The following PPARD variants were observed in gnomAD, a reference collection of about 807,000 sequenced individuals.
PPARD encodes the protein peroxisome proliferator activated receptor delta.
PPARD carries 6 observed loss-of-function variants against 39.5 expected under a neutral mutation model. The observed-to-expected ratio is 0.15, with a 90% CI of 0.08 to 0.30. The LOEUF is 0.30. Ranked by LOEUF, PPARD falls within the 10% of genes least tolerant of loss-of-function variation. PPARD has a pLI of 1.00. For synonymous variants in PPARD, 210 were observed against 231.3 expected, an observed-to-expected ratio of 0.91 and a Z score of 0.83; for missense variants, 397 against 596.8, an observed-to-expected ratio of 0.67 and a Z score of 3.49.
chr6:35,397,088 T>C (rs1422715618), intron 2 of PPARD, among the ~76,000 whole-genome samples: 1 of 152,122 alleles, frequency 6.6e-6, no homozygotes, highest in Non-Finnish European at 1.5e-5. Flanking sequence ...GCACAGCCTG[T>C]CCTGTGAGTA....
At chr6:35,349,072 C>T in intron 2 of PPARD, 1 of 961,632 alleles carries the variant, frequency 1.0e-6, no homozygotes, top group Non-Finnish European at 1.2e-6. Context: ...GTCACCCAGG[C>T]TGGAGTGCAG....
intron 5 of PPARD, among the ~76,000 whole-genome samples, chr6:35,422,540 C>T (rs1227104351): frequency 6.6e-6 from 1 of 152,170 alleles, no homozygotes; most frequent in East Asian, 1.9e-4. Flanking sequence ...GCCCACCTGT[C>T]CCCTCAGTAC....
In PPARD at chr6:35,347,090, C is replaced by T. The variant is rs1007483854; in HGVS notation, c.-162C>T. On this transcript the variant is annotated 5_prime_UTR_variant, in exon 2 of 8. Coordinates refer to ENST00000360694, the MANE Select transcript of PPARD (RefSeq NM_006238.5). The stretch of plus-strand genomic sequence containing the variant: ...AGTGTTGTACAGTGTTTTGGGCATG[C>T]ACGTGATACTCACACAGTGGCTTCT... 2 of 1,535,832 alleles carry T rather than the reference C, an allele frequency of 1.3e-6. No individual in the cohort carries two copies. Among genetic ancestry groups the T allele is most frequent in the African/African-American group, 1.4e-5 (1 of 73,156 alleles).
In PPARD at chr6:35,424,164, G is replaced by A. The variant is rs763997480; in HGVS notation, c.627+16G>A. 23 of 1,610,820 alleles carry A rather than the reference G, an allele frequency of 1.4e-5. No homozygotes were observed. The highest frequency in any genetic ancestry group is 1.9e-5 in the Non-Finnish European group (22 of 1,179,680). On this transcript the variant is annotated intron_variant, in intron 6 of 7. Transcript: ENST00000360694. This position sits in a 1 kb window ranked among gnomAD's most constrained non-coding sequence, Gnocchi z 7.1. Reference sequence around the variant, plus strand: ...CCACACGGCGGTGAGTGTTGCTGCTGCTTGGCCTGGCAGCATCCTGGGCTC... The same window carrying A: ...CCACACGGCGGTGAGTGTTGCTGCTACTTGGCCTGGCAGCATCCTGGGCTC...
intron 2 of PPARD, among the ~76,000 whole-genome samples, chr6:35,402,176 A>G (rs1349074363): frequency 6.6e-6 from 1 of 152,218 alleles, no homozygotes; most frequent in African/African-American, 2.4e-5. Flanking sequence ...ACATAGGAAA[A>G]TATAATTAAG....
chr6:35,426,287 G>T lies in PPARD; in HGVS notation c.*208G>T. On this transcript the variant is annotated 3_prime_UTR_variant, in exon 8 of 8. Coordinates refer to ENST00000360694, the MANE Select transcript of PPARD (RefSeq NM_006238.5). Reference sequence around the variant, plus strand: ...AGCCAGCTCTCTTCCTGTCTTTGTTGTCTCCCTCTTTCTCAGTTCCTCTTT... The same window carrying T: ...AGCCAGCTCTCTTCCTGTCTTTGTTTTCTCCCTCTTTCTCAGTTCCTCTTT... 1 of 624,162 alleles carries T rather than the reference G, an allele frequency of 1.6e-6. No individual in the cohort carries two copies. The highest frequency in any genetic ancestry group is 2.8e-6 in the Non-Finnish European group (1 of 363,612). The allele number at this position is 624,162 out of a possible 1,614,324, so 38.7% of individuals were successfully genotyped here.
intron 2 of PPARD, among the ~76,000 whole-genome samples, chr6:35,407,034 C>T (rs572844336): frequency 3.3e-5 from 5 of 152,268 alleles, no homozygotes; most frequent in East Asian, 1.9e-4. Context: ...TGAGTGGGAG[C>T]GTGACGCATA....
intron 2 of PPARD, among the ~76,000 whole-genome samples, chr6:35,384,262 T>G (rs1336045785): frequency 5.3e-4 from 36 of 68,012 alleles, no homozygotes; most frequent in African/African-American, 1.7e-3. Context: ...GGGAGGGAGG[T>G]AGGTTCAGCC....
chr6:35,373,640 G>A (rs185715076), intron 2 of PPARD, among the ~76,000 whole-genome samples: 2 of 151,210 alleles, frequency 1.3e-5, no homozygotes, highest in South Asian at 2.1e-4. Context: ...TTCACTCTAC[G>A]GTACATTTCT....
At chr6:35,352,689 C>T (rs894816697) in intron 2 of PPARD, among the ~76,000 whole-genome samples, 2 of 152,148 alleles carry the variant, frequency 1.3e-5, no homozygotes, top group African/African-American at 4.8e-5. Flanking sequence ...TCTGAAGGCT[C>T]AGCTGGGCTG....
chr6:35,414,778 A>G (rs1417310244), intron 3 of PPARD, among the ~76,000 whole-genome samples: 1 of 152,310 alleles, frequency 6.6e-6, no homozygotes, highest in Non-Finnish European at 1.5e-5. Context: ...CCATAAGGAC[A>G]GCGCACAGCT....
chr6:35,361,638 C>T (rs1452335180), intron 2 of PPARD, among the ~76,000 whole-genome samples: 3 of 152,226 alleles, frequency 2.0e-5, no homozygotes, highest in African/African-American at 7.2e-5. Context: ...GTGACAGCAG[C>T]CTGGAGTGTG....
chr6:35,401,588 G>C lies in PPARD; in HGVS notation c.-101-9399G>C, dbSNP rs1397777045. 2.0e-5 allele frequency among the ~76,000 whole-genome samples: 3 copies of C among 152,068 alleles called. No individual in the cohort carries two copies. Among genetic ancestry groups the C allele is most frequent in the Admixed American group, 6.6e-5 (1 of 15,264 alleles). On this transcript the variant is annotated intron_variant, in intron 2 of 7. Transcript: ENST00000360694. The surrounding 1 kb of genome is among the most constrained non-coding windows in gnomAD (Gnocchi z 4.1). ...GACAGCCCAGGTCCTCATTCCTTGG[G>C]CCTTTTCACATCACTGTTCCCATCA...
chr6:35,417,835 G>C (rs536390253), intron 3 of PPARD, among the ~76,000 whole-genome samples: 1 of 152,324 alleles, frequency 6.6e-6, no homozygotes, highest in African/African-American at 2.4e-5. Flanking sequence ...CAGCCCTGCT[G>C]TTACCTCTTT....
chr6:35,370,265 T>A (rs1762411489), intron 2 of PPARD, among the ~76,000 whole-genome samples: 1 of 152,190 alleles, frequency 6.6e-6, no homozygotes, highest in African/African-American at 2.4e-5. Flanking sequence ...GTCCTCATTG[T>A]GGCTCCGTGG....
intron 3 of PPARD, 25 bp downstream of exon 3, chr6:35,411,242 A>C: frequency 1.3e-6 from 2 of 1,483,876 alleles, no homozygotes; most frequent in South Asian, 2.8e-5. Context: ...GGCAGGGGAC[A>C]CGGGGCAGAG....
At chr6:35,362,404 C>G (rs1371222605) in intron 2 of PPARD, among the ~76,000 whole-genome samples, 1 of 151,008 alleles carries the variant, frequency 6.6e-6, no homozygotes, top group Non-Finnish European at 1.5e-5. Flanking sequence ...CTCCCTGTCC[C>G]TGTCCAGCGC....
intron 2 of PPARD, among the ~76,000 whole-genome samples, chr6:35,349,549 T>C (rs1761109902): frequency 6.6e-6 from 1 of 152,124 alleles, no homozygotes; most frequent in Non-Finnish European, 1.5e-5. Flanking sequence ...AGAGCTCTCC[T>C]GGGCTGCATG....
intron 2 of PPARD, among the ~76,000 whole-genome samples, chr6:35,372,787 A>G (rs1379268054): frequency 6.6e-6 from 1 of 152,230 alleles, no homozygotes; most frequent in Non-Finnish European, 1.5e-5. Flanking sequence ...TTCAGGCTCT[A>G]TGACCCTATC....
Sources: gnomAD v4.1 joint callset for allele counts (sites outside exome capture counted in the v4.1 genomes callset) on GRCh38, gnomAD v4.1.1 for gene constraint, Gnocchi (gnomAD v3.1) non-coding constraint, MANE v1.5 for transcripts, NCBI Gene and HGNC (gene_info 2026-07-23, HGNC 2026-07-21) for gene names.